ELAPOR2: variants seen among roughly 807,000 people sequenced by gnomAD.
ELAPOR2 encodes endosome-lysosome associated apoptosis and autophagy regulator family member 2.
A neutral mutation model predicts 120.7 loss-of-function variants in ELAPOR2; 89 were observed. The observed-to-expected ratio is 0.74, with a 90% CI of 0.62 to 0.88. The LOEUF (loss-of-function observed/expected upper bound fraction) is 0.88, where lower values mean the gene tolerates loss of function less well. Among genes scored for constraint, ELAPOR2 ranks in the 40% least tolerant of loss-of-function variants. The pLI, the probability that ELAPOR2 is intolerant of heterozygous loss-of-function variation, is 0.00. For missense variants in ELAPOR2, 1,134 were observed against 1,251.6 expected (o/e 0.91, Z 1.42); for synonymous variants, 444 against 444.9 (o/e 1.00, Z 0.03).
intron 18 of ELAPOR2, among the ~76,000 whole-genome samples, chr7:86,900,434 T>C (rs1386299387): frequency 6.6e-6 from 1 of 152,008 alleles, no homozygotes; most frequent in African/African-American, 2.4e-5. Flanking sequence ...ATAAAATGAG[T>C]GAACAATTTT....
intron 2 of ELAPOR2, among the ~76,000 whole-genome samples, chr7:86,954,566 T>C (rs1481948466): frequency 1.3e-5 from 2 of 152,150 alleles, no homozygotes; most frequent in East Asian, 1.9e-4. Context: ...GTTAATGATA[T>C]AGTGAACCTA....
At position 86,943,680 on chromosome 7, in the gene ELAPOR2, G is replaced by C. The variant is rs146002956; in HGVS notation, c.654+1219C>G. ...ATCTAAACACTTATTCTCACAATTA[G>C]ATAACTGCTTTGCTTCTTAACTTTA... On this transcript the variant is annotated intron_variant, in intron 4 of 21. Transcript: ENST00000450689. Among the ~76,000 whole-genome samples, 12 of 152,114 alleles carry C rather than the reference G, an allele frequency of 7.9e-5. No individual in the cohort carries two copies. In the East Asian group the frequency reaches 2.3e-3, roughly 29 times the overall value.
intron 1 of ELAPOR2, among the ~76,000 whole-genome samples, chr7:87,009,987 AAAG>A (rs1793602955): frequency 1.7e-5 from 1 of 60,526 alleles, no homozygotes; most frequent in African/African-American, 1.1e-4. Flanking sequence ...ACTCATTACG[AAAG>A]AAAGAAAGAA....
intron 1 of ELAPOR2, among the ~76,000 whole-genome samples, chr7:87,034,482 A>G (rs1365690755): frequency 6.6e-6 from 1 of 152,040 alleles, no homozygotes; most frequent in African/African-American, 2.4e-5. Flanking sequence ...AAATGTAGAA[A>G]AAAATGAGAT....
intron 8 of ELAPOR2, among the ~76,000 whole-genome samples, chr7:86,932,185 A>G (rs1790359241): frequency 6.6e-6 from 1 of 151,966 alleles, no homozygotes; most frequent in African/African-American, 2.4e-5. Context: ...TGGAGATTAC[A>G]GTGAGCATCT....
chr7:87,045,474 T>G (rs1794922557), intron 1 of ELAPOR2, among the ~76,000 whole-genome samples: 1 of 151,098 alleles, frequency 6.6e-6, no homozygotes, highest in Non-Finnish European at 1.5e-5. Context: ...TGGATGAAAT[T>G]GGAAATCATC....
chr7:86,883,574 ACTT>A (rs1799527935), intron 21 of ELAPOR2, among the ~76,000 whole-genome samples: 1 of 152,222 alleles, frequency 6.6e-6, no homozygotes, highest in African/African-American at 2.4e-5. Context: ...AAAGGAATCT[ACTT>A]CTGTTAACAC....
chr7:86,896,910 CAG>C (rs565750443), intron 19 of ELAPOR2, among the ~76,000 whole-genome samples: 24 of 151,972 alleles, frequency 1.6e-4, no homozygotes, highest in Non-Finnish European at 2.2e-4. Flanking sequence ...ACGTTTGCTA[CAG>C]AGTTATGTAC....
Position 86,938,156 on chromosome 7 carries a change from C to G in ELAPOR2, c.1059G>C (p.Gln353His). The change falls in exon 8 of 22, where the codon CAG becomes CAC. Residue 353 changes from glutamine (Q) to histidine (H), a missense_variant. By Grantham distance (24) the Gln-to-His change is conservative (BLOSUM62 0). Around this residue, in one of 3 missense-constraint regions of ELAPOR2, gnomAD observed 831 missense variants for 867.6 expected, o/e 0.96. Coordinates refer to ENST00000450689, the MANE Select transcript of ELAPOR2 (RefSeq NM_001142749.3). ...RPPCTTKDYF[Q>H]IHTPCDEEGK... is the part of the protein sequence containing the mutation. ...CTTCTTCATCACATGGAGTATGGAT[C>G]TGGAAATAGTCTTTTGTGGTACAGG... 1 of 1,552,070 alleles carries G rather than the reference C, an allele frequency of 6.4e-7. No individual in the cohort carries two copies. Among genetic ancestry groups the G allele is most frequent in the Non-Finnish European group, 8.7e-7 (1 of 1,146,500 alleles).
chr7:86,923,468 A>G (rs1789918143), intron 10 of ELAPOR2, among the ~76,000 whole-genome samples: 1 of 152,044 alleles, frequency 6.6e-6, no homozygotes, highest in Non-Finnish European at 1.5e-5. Context: ...TAACTTAACA[A>G]TGTTACATAG....
At chr7:86,953,623 CA>C (rs1791357212) in intron 2 of ELAPOR2, among the ~76,000 whole-genome samples, 1 of 152,114 alleles carries the variant, frequency 6.6e-6, no homozygotes, top group Admixed American at 6.6e-5. Context: ...GTATGATAGA[CA>C]GTTATTATTA....
intron 1 of ELAPOR2, among the ~76,000 whole-genome samples, chr7:86,988,165 G>A (rs921624194): frequency 6.6e-6 from 1 of 152,146 alleles, no homozygotes; most frequent in African/African-American, 2.4e-5. Context: ...CTTGGTCACA[G>A]GGTAGGGAAT....
chr7:87,022,326 G>A (rs1236475812), intron 1 of ELAPOR2, among the ~76,000 whole-genome samples: 3 of 148,212 alleles, frequency 2.0e-5, no homozygotes, highest in African/African-American at 7.5e-5. Context: ...GAGAACATGT[G>A]GTGTTTGGTT....
At chr7:87,039,817 G>A (rs1033194183) in intron 1 of ELAPOR2, among the ~76,000 whole-genome samples, 7 of 152,188 alleles carry the variant, frequency 4.6e-5, no homozygotes, top group South Asian at 2.1e-4. Context: ...CAGCGTGAGC[G>A]ACGCAGAAGA....
intron 1 of ELAPOR2, among the ~76,000 whole-genome samples, chr7:86,972,902 T>C (rs1792153368): frequency 6.6e-6 from 1 of 152,116 alleles, no homozygotes; most frequent in South Asian, 2.1e-4. Context: ...CATAATATGA[T>C]CATTACTATT....
intron 1 of ELAPOR2, among the ~76,000 whole-genome samples, chr7:87,046,108 G>T (rs537622333): frequency 6.6e-6 from 1 of 152,284 alleles, no homozygotes; most frequent in Non-Finnish European, 1.5e-5. Flanking sequence ...CAACAAGGTT[G>T]CAGGATACAC....
intron 1 of ELAPOR2, among the ~76,000 whole-genome samples, chr7:87,040,257 G>A (rs1794736007): frequency 6.6e-6 from 1 of 152,266 alleles, no homozygotes; most frequent in Non-Finnish European, 1.5e-5. Context: ...CTCGAACTGG[G>A]TGGAGCCCAC....
intron 1 of ELAPOR2, among the ~76,000 whole-genome samples, chr7:87,058,896 G>A (rs1014454878): frequency 6.6e-6 from 1 of 152,100 alleles, no homozygotes; most frequent in Non-Finnish European, 1.5e-5. Context: ...CAGGGGAGTG[G>A]AGACAGGGGG....
chr7:87,050,325 C>A (rs1011130880), intron 1 of ELAPOR2, among the ~76,000 whole-genome samples: 1 of 152,046 alleles, frequency 6.6e-6, no homozygotes, highest in Admixed American at 6.5e-5. Flanking sequence ...ATCATGGGGG[C>A]GGATTGCTCA....
Sources: gnomAD v4.1 joint callset for allele counts (sites outside exome capture counted in the v4.1 genomes callset) on GRCh38, gnomAD v4.1.1 for gene constraint, gnomAD v4.1.1 regional missense constraint, MANE v1.5 for transcripts, NCBI Gene and HGNC (gene_info 2026-07-23, HGNC 2026-07-21) for gene names.